Variants in S100A7 observed in about 807,000 individuals in gnomAD.
S100A7 encodes the protein S100 calcium binding protein A7.
S100A7 carries 2 observed loss-of-function variants against 3.8 expected under a neutral mutation model. The ratio of observed to expected loss-of-function variants is 0.53; its 90% confidence interval spans 0.22 to 1.67. The LOEUF (loss-of-function observed/expected upper bound fraction) is 1.67. Among genes scored for constraint, S100A7 ranks in the 40% most tolerant of loss-of-function variants. The pLI is 0.20. For missense variants in S100A7, 130 were observed against 126.3 expected, an observed-to-expected ratio of 1.03 and a Z score of -0.14; for synonymous variants, 55 against 45.9, an observed-to-expected ratio of 1.20 and a Z score of -0.80.
chr1:153,459,444 A>G (rs1663769441), intron 1 of S100A7, among the ~76,000 whole-genome samples: 1 of 152,226 alleles, frequency 6.6e-6, no homozygotes, highest in South Asian at 2.1e-4. Context: ...TCATGGGGGC[A>G]GGACAATGGC....
At chr1:153,460,402 C>A (rs1285610969) in intron 1 of S100A7, among the ~76,000 whole-genome samples, 7 of 152,338 alleles carry the variant, frequency 4.6e-5, no homozygotes, top group Admixed American at 2.6e-4. Context: ...CCCAAAGGAG[C>A]AATGGACAGG....
At chr1:153,459,331 A>T (rs1663766874) in intron 1 of S100A7, among the ~76,000 whole-genome samples, 1 of 152,196 alleles carries the variant, frequency 6.6e-6, no homozygotes, top group African/African-American at 2.4e-5. Context: ...CAACACATGG[A>T]AGAACTAAGC....
intron 2 of S100A7, among the ~76,000 whole-genome samples, 181 bp downstream of exon 2, chr1:153,458,692 C>G (rs1459436319): frequency 6.6e-6 from 1 of 152,152 alleles, no homozygotes; most frequent in Non-Finnish European, 1.5e-5. Context: ...TCCTTTATAT[C>G]TGTATAACTC....
chr1:153,459,737 A>T (rs535433015), intron 1 of S100A7: 1 of 152,232 alleles, frequency 6.6e-6, no homozygotes, highest in Non-Finnish European at 1.5e-5. Flanking sequence ...GTGAGGTGGG[A>T]GTCACTTCAT....
rs1051001412 is a variant in S100A7, at chr1:153,458,725, G to A, written c.141+148C>T. 2.8e-4 allele frequency: 252 copies of A among 895,540 alleles called. 2 individuals are homozygous for A. The highest frequency in any genetic ancestry group is 3.8e-4 in the Admixed American group (14 of 36,604). The allele number at this position is 895,540 out of a possible 1,614,324, so 55.5% of individuals were successfully genotyped here. A position where few individuals can be genotyped will look rare whatever the true frequency, so the allele number is the denominator to read the frequency against. On this transcript the variant is annotated intron_variant, in intron 2 of 2. Coordinates refer to ENST00000368723, the MANE Select transcript of S100A7 (RefSeq NM_002963.4). ...CTCTTTCCCATTTTCATACTTTTTTGCCTACCATCCTTAGATTCACATATG... is the reference window on the plus strand; with the variant it reads ...CTCTTTCCCATTTTCATACTTTTTTACCTACCATCCTTAGATTCACATATG...
chr1:153,459,847 C>G (rs1663785118), intron 1 of S100A7: 1 of 152,204 alleles, frequency 6.6e-6, no homozygotes, highest in Non-Finnish European at 1.5e-5. Flanking sequence ...AGCCAGTAGT[C>G]AGTCTGGGCT....
chr1:153,459,023 C>T lies in S100A7; in HGVS notation c.-10G>A. 1 of 1,608,762 alleles carries T rather than the reference C, an allele frequency of 6.2e-7. No individual in the cohort carries two copies. The highest frequency in any genetic ancestry group is 8.5e-7 in the Non-Finnish European group (1 of 1,178,224). ...CTTGAGTGTTGCTCATCTTTGCTTT[C>T]AAAAAGCCTTCAGGAAATAAAGACA... is the stretch of plus-strand genomic sequence containing the variant. On this transcript the variant is annotated 5_prime_UTR_variant, in exon 2 of 3. Coordinates refer to ENST00000368723, the MANE Select transcript of S100A7 (RefSeq NM_002963.4).
At chr1:153,460,574 T>A in intron 1 of S100A7, 34 bp downstream of exon 1, 1 of 833,380 alleles carries the variant, frequency 1.2e-6, no homozygotes, top group East Asian at 2.7e-5. Context: ...CACTGGGCAC[T>A]TCTAGAAAAC....
chr1:153,458,995 CA>C lies in S100A7; in HGVS notation c.18del (p.Glu7ArgfsTer4). The C allele has an allele frequency of 6.2e-7, 1 of 1,613,768 alleles. No homozygotes were observed. The highest frequency in any genetic ancestry group is 1.1e-5 in the South Asian group (1 of 90,922). MSNTQ[A>X]ERSIIGMIDM... ...TCGATCATGCCTATTATGGACCTCT[CA>C]GCTTGAGTGTTGCTCATCTTTGCTT... On this transcript the variant is annotated frameshift_variant, in exon 2 of 3. Coordinates refer to ENST00000368723, the MANE Select transcript of S100A7 (RefSeq NM_002963.4). LOFTEE classifies it high-confidence loss of function.
At chr1:153,458,325 C>T (rs1029636312) in intron 2 of S100A7, among the ~76,000 whole-genome samples, 1 of 152,124 alleles carries the variant, frequency 6.6e-6, no homozygotes, top group African/African-American at 2.4e-5. Context: ...TCAAAATTGG[C>T]CCTCATGCTT....
rs1223765954 is a variant in S100A7 at position 153,457,775 on chromosome 1, G to T, written c.*31C>A. Reference sequence around the variant, plus strand: ...GGGAGAAGACATTTTATTGTTCCTGGGGTCTCTGGAGGCCCATTGGTGGGG... The same window carrying T: ...GGGAGAAGACATTTTATTGTTCCTGTGGTCTCTGGAGGCCCATTGGTGGGG... On this transcript the variant is annotated 3_prime_UTR_variant, in exon 3 of 3. Transcript: ENST00000368723. 3 of 1,553,362 alleles carry T rather than the reference G, an allele frequency of 1.9e-6. No individual in the cohort carries two copies. The African/African-American group carries it at 4.2e-5, about 22-fold the overall frequency.
intron 1 of S100A7, among the ~76,000 whole-genome samples, chr1:153,460,261 A>G (rs1404767639): frequency 1.3e-5 from 2 of 152,144 alleles, no homozygotes; most frequent in Admixed American, 6.5e-5. Flanking sequence ...CCCTCTGTGG[A>G]GCTGGAGCTG....
At position 153,460,265 on chromosome 1, in the gene S100A7, G is replaced by A. The variant is rs1241163347; in HGVS notation, c.-18+343C>T. Among the ~76,000 whole-genome samples the A allele has an allele frequency of 5.3e-5, 8 of 152,272 alleles. No homozygotes were observed. The South Asian group carries it at 6.2e-4, about 12-fold the overall frequency. ...CTAGCCCTCCACCCTCTGTGGAGCT[G>A]GAGCTGGGGAGGGGATTTAGCAACC... On this transcript the variant is annotated intron_variant, in intron 1 of 2. Transcript: ENST00000368723.
intron 2 of S100A7, among the ~76,000 whole-genome samples, chr1:153,458,175 C>T (rs1409908509): frequency 6.6e-6 from 1 of 152,016 alleles, no homozygotes; most frequent in Non-Finnish European, 1.5e-5. Context: ...CTTTTTGTCT[C>T]ACACCTCAGG....
rs1168177929 is a variant in S100A7 at position 153,459,020 on chromosome 1, T to C, written c.-7A>G. The C allele has an allele frequency of 6.2e-7, 1 of 1,610,822 alleles. No individual in the cohort carries two copies. Among genetic ancestry groups the C allele is most frequent in the African/African-American group, 1.3e-5 (1 of 74,870 alleles). On this transcript the variant is annotated 5_prime_UTR_variant, in exon 2 of 3. Coordinates refer to ENST00000368723, the MANE Select transcript of S100A7 (RefSeq NM_002963.4). ...CAGCTTGAGTGTTGCTCATCTTTGC[T>C]TTCAAAAAGCCTTCAGGAAATAAAG...
intron 1 of S100A7, 29 bp from the exon 2 acceptor site, chr1:153,459,059 T>C: frequency 8.7e-6 from 14 of 1,604,044 alleles, no homozygotes; most frequent in Non-Finnish European, 1.2e-5. Context: ...ATCATTTTTT[T>C]CCCTTCATTT....
chr1:153,458,247 G>C (rs2101646007), intron 2 of S100A7, among the ~76,000 whole-genome samples: 1 of 152,114 alleles, frequency 6.6e-6, no homozygotes, highest in South Asian at 2.1e-4. Flanking sequence ...GCAGTCCCCT[G>C]CCCCAGCCTC....
At chr1:153,458,010 A>C in intron 2 of S100A7, 40 bp from the exon 3 acceptor site, 1 of 1,605,916 alleles carries the variant, frequency 6.2e-7, no homozygotes, top group South Asian at 1.1e-5. Context: ...AAATTCAATC[A>C]CAAACAAGTT....
rs778565222 is a variant in S100A7 at position 153,457,981 on chromosome 1, A to G, written c.142-11T>C. Reference sequence around the variant, plus strand: ...TGTGCCCTTTTTGTCCTGTGAAGAGAAAAACATACAAAATAGAAAAATTCA... The same window carrying G: ...TGTGCCCTTTTTGTCCTGTGAAGAGGAAAACATACAAAATAGAAAAATTCA... On this transcript the variant is annotated splice_polypyrimidine_tract_variant and intron_variant, in intron 2 of 2. Transcript: ENST00000368723. The G allele has an allele frequency of 6.2e-7, 1 of 1,612,048 alleles. No homozygotes were observed. The highest frequency in any genetic ancestry group is 1.3e-5 in the African/African-American group (1 of 74,752).
Sources: gnomAD v4.1 joint callset for allele counts (sites outside exome capture counted in the v4.1 genomes callset) on GRCh38, gnomAD v4.1.1 for gene constraint, MANE v1.5 for transcripts, NCBI Gene and HGNC (gene_info 2026-07-23, HGNC 2026-07-21) for gene names.